DCAF7: variants seen among roughly 807,000 people sequenced by gnomAD.
DCAF7 encodes the protein DDB1- and CUL4-associated factor 7.
DCAF7 carries 4 observed loss-of-function variants against 41.2 expected under a neutral mutation model. The observed-to-expected ratio is 0.10, with a 90% confidence interval of 0.05 to 0.22. The LOEUF is 0.22. Among genes scored for constraint, DCAF7 ranks in the 10% least tolerant of loss-of-function variants. The pLI, the probability that DCAF7 is intolerant of heterozygous loss-of-function variation, is 1.00. For synonymous variants in DCAF7, 143 were observed against 164.2 expected, an observed-to-expected ratio of 0.87 and a Z score of 0.99; for missense variants, 131 against 443.2, an observed-to-expected ratio of 0.30 and a Z score of 6.32.
chr17:63,555,001 T>C (rs968192441), intron 1 of DCAF7, among the ~76,000 whole-genome samples: 12 of 152,336 alleles, frequency 7.9e-5, no homozygotes, highest in African/African-American at 2.9e-4. Flanking sequence ...AGACTCCAAG[T>C]AGTGTAATTT....
At chr17:63,585,383 T>G in intron 6 of DCAF7, 55 bp downstream of exon 6, 1 of 1,478,966 alleles carries the variant, frequency 6.8e-7, no homozygotes, top group Non-Finnish European at 9.5e-7. Context: ...TCTGTTCTCT[T>G]GGCTCCTTAG....
rs777718920 is a variant in DCAF7, at chr17:63,579,406, C to T, written c.367C>T (p.Leu123=). The T allele has an allele frequency of 1.7e-5, 28 of 1,610,096 alleles. No homozygotes were observed. The highest frequency in any genetic ancestry group is 2.3e-5 in the Non-Finnish European group (27 of 1,178,244). ...TAAGAACTCTGATTTCTGTGCTCCCCTGACCTCCTTTGACTGGAATGAGGT... is the reference window on the plus strand; with the variant it reads ...TAAGAACTCTGATTTCTGTGCTCCCTTGACCTCCTTTGACTGGAATGAGGT... The part of the protein sequence containing the change: ...NNKNSDFCAP[L]TSFDWNEVDP... Residue 123 remains leucine (L), a synonymous_variant, in exon 3 of 7, where the codon CTG becomes TTG. Transcript: ENST00000614556.
At chr17:63,553,543 A>G (rs1021552297) in intron 1 of DCAF7, among the ~76,000 whole-genome samples, 1 of 152,176 alleles carries the variant, frequency 6.6e-6, no homozygotes, top group African/African-American at 2.4e-5. Context: ...TCGACTTCAT[A>G]ATTTGGAGGA....
At position 63,550,818 on chromosome 17, in the gene DCAF7, G is replaced by A; in HGVS notation, c.138+3G>A. 3 of 1,612,694 alleles carry A rather than the reference G, an allele frequency of 1.9e-6. No homozygotes were observed. The highest frequency in any genetic ancestry group is 2.5e-6 in the Non-Finnish European group (3 of 1,179,254). Reference sequence around the variant, plus strand: ...TCGTGGAGGAGTACAACAACAAGGTGGGCCGGGCAGGGGCTCGGAACCCAG... The same window carrying A: ...TCGTGGAGGAGTACAACAACAAGGTAGGCCGGGCAGGGGCTCGGAACCCAG... On this transcript the variant is annotated splice_donor_region_variant and intron_variant, in intron 1 of 6. Transcript: ENST00000614556. This position sits in a 1 kb window ranked among gnomAD's most constrained non-coding sequence, Gnocchi z 4.8.
At chr17:63,584,221 A>G (rs141568416) in intron 5 of DCAF7, among the ~76,000 whole-genome samples, 69 of 152,294 alleles carry the variant, frequency 4.5e-4, no homozygotes, top group Non-Finnish European at 8.7e-4. Context: ...TGTAATCCCA[A>G]CACTTTGGGA....
intron 6 of DCAF7, among the ~76,000 whole-genome samples, 173 bp downstream of exon 6, chr17:63,585,501 C>T (rs549298488): frequency 7.9e-5 from 12 of 152,316 alleles, no homozygotes; most frequent in African/African-American, 2.6e-4. Context: ...AATTTTTAGA[C>T]GATCTTGTAC....
chr17:63,565,296 C>T (rs1369206297), intron 1 of DCAF7, among the ~76,000 whole-genome samples: 1 of 151,894 alleles, frequency 6.6e-6, no homozygotes, highest in African/African-American at 2.4e-5. Flanking sequence ...GCTTTGTGGC[C>T]GGGCATGGTG....
At chr17:63,578,881 A>C (rs945074052) in intron 2 of DCAF7, among the ~76,000 whole-genome samples, 1 of 152,226 alleles carries the variant, frequency 6.6e-6, no homozygotes. Context: ...GACGGCCTTC[A>C]GTGGAGGTGG....
chr17:63,552,007 G>A (rs1034943309), intron 1 of DCAF7, among the ~76,000 whole-genome samples: 1 of 151,072 alleles, frequency 6.6e-6, no homozygotes, highest in Non-Finnish European at 1.5e-5. Flanking sequence ...GAACCTGGGA[G>A]GCGGAGGTTG....
At chr17:63,569,141 T>C (rs1376282846) in intron 1 of DCAF7, among the ~76,000 whole-genome samples, 2 of 152,196 alleles carry the variant, frequency 1.3e-5, no homozygotes, top group Non-Finnish European at 2.9e-5. Context: ...ACCTAATTTG[T>C]TGGGATATGT....
intron 1 of DCAF7, among the ~76,000 whole-genome samples, chr17:63,569,362 C>T (rs1264893872): frequency 1.3e-5 from 2 of 150,154 alleles, no homozygotes; most frequent in Admixed American, 1.3e-4. Flanking sequence ...GTTGGAATAA[C>T]CTATGGAGCT....
At chr17:63,552,756 GAT>G (rs57644868) in intron 1 of DCAF7, among the ~76,000 whole-genome samples, 2,762 of 152,314 alleles carry the variant, frequency 0.018, 70 homozygotes, top group African/African-American at 0.063. Context: ...TGCTTGGTAG[GAT>G]CAGTGGAGTA....
chr17:63,569,643 A>G (rs2033484010), intron 1 of DCAF7, among the ~76,000 whole-genome samples: 2 of 152,210 alleles, frequency 1.3e-5, no homozygotes, highest in Non-Finnish European at 2.9e-5. Flanking sequence ...TTTAGGAGCC[A>G]ATACTATCTG....
Position 63,555,077 on chromosome 17 carries a change from G to A in DCAF7, c.138+4262G>A, listed in dbSNP as rs139257985. Among the ~76,000 whole-genome samples, 637 of 152,276 alleles carry A rather than the reference G, an allele frequency of 4.2e-3. 4 individuals are homozygous for A. Among genetic ancestry groups the A allele is most frequent in the African/African-American group, 0.014 (589 of 41,546 alleles). ...CTACGTAAGTCAGATATAAGAATTTGGCATTTCTCCTGTGTTTTGACAATA... is the reference window on the plus strand; with the variant it reads ...CTACGTAAGTCAGATATAAGAATTTAGCATTTCTCCTGTGTTTTGACAATA... On this transcript the variant is annotated intron_variant, in intron 1 of 6. Coordinates refer to ENST00000614556, the MANE Select transcript of DCAF7 (RefSeq NM_005828.5).
chr17:63,588,119 T>C (rs902146520), intron 6 of DCAF7, among the ~76,000 whole-genome samples: 1 of 151,964 alleles, frequency 6.6e-6, no homozygotes, highest in African/African-American at 2.4e-5. Context: ...CTTCTACTTA[T>C]TTTTCATGTG....
At chr17:63,568,654 C>T (rs915571410) in intron 1 of DCAF7, among the ~76,000 whole-genome samples, 1 of 152,130 alleles carries the variant, frequency 6.6e-6, no homozygotes, top group Admixed American at 6.5e-5. Flanking sequence ...AAACAGAAAC[C>T]CACTCAAGGT....
At chr17:63,559,783 C>A (rs1883977469) in intron 1 of DCAF7, among the ~76,000 whole-genome samples, 1 of 151,846 alleles carries the variant, frequency 6.6e-6, no homozygotes, top group Admixed American at 6.6e-5. Flanking sequence ...GCCTGGGCAA[C>A]AGAGTGGGAC....
intron 1 of DCAF7, among the ~76,000 whole-genome samples, chr17:63,551,674 G>T (rs1048956142): frequency 1.3e-5 from 2 of 151,926 alleles, no homozygotes; most frequent in African/African-American, 2.4e-5. Flanking sequence ...GAATGATAGC[G>T]ATCAGAGCAA....
At chr17:63,576,305 G>A (rs1018803930) in intron 1 of DCAF7, among the ~76,000 whole-genome samples, 3 of 152,146 alleles carry the variant, frequency 2.0e-5, no homozygotes, top group Admixed American at 6.6e-5. Flanking sequence ...TTAGCCGGGC[G>A]TAGTGGCACA....
Sources: allele counts gnomAD v4.1 joint callset (sites outside exome capture counted in the v4.1 genomes callset), GRCh38; gene constraint gnomAD v4.1.1; non-coding constraint Gnocchi (gnomAD v3.1); transcripts MANE v1.5; gene names NCBI Gene and HGNC (gene_info 2026-07-23, HGNC 2026-07-21).